MGLL: variants seen among roughly 807,000 people sequenced by gnomAD.
MGLL encodes the protein lysophospholipase homolog.
Under a neutral mutation model 29.1 loss-of-function variants are expected in MGLL, and 7 were observed. The observed-to-expected ratio is 0.24, with a 90% CI of 0.14 to 0.45. The LOEUF (loss-of-function observed/expected upper bound fraction) is 0.45. MGLL is among the 20% of genes least tolerant of loss of function. The pLI is 0.99. For missense variants in MGLL, 356 were observed against 413.6 expected (o/e 0.86, Z 1.21); for synonymous variants, 148 against 168.3 (o/e 0.88, Z 0.93).
rs762820508 is a variant in MGLL at position 127,761,333 on chromosome 3, A to C, written c.262+20456T>G. 6.6e-6 allele frequency among the ~76,000 whole-genome samples: 1 copy of C among 152,020 alleles called. No homozygotes were observed. Among genetic ancestry groups the C allele is most frequent in the Non-Finnish European group, 1.5e-5 (1 of 67,928 alleles). On this transcript the variant is annotated intron_variant, in intron 3 of 7. Coordinates refer to ENST00000265052, the MANE Select transcript of MGLL (RefSeq NM_007283.7). This position sits in a 1 kb window ranked among gnomAD's most constrained non-coding sequence, Gnocchi z 4.6. ...CTCCCCTGCTGCTGTGTCTTGTTAG[A>C]GCCACCGTGTTGTGTTGGGGGTGCT...
At chr3:127,701,215 C>CAAAAAAAAA (rs60128956) in intron 6 of MGLL, among the ~76,000 whole-genome samples, 8,038 of 55,382 alleles carry the variant, frequency 0.15, 1,228 homozygotes, top group Middle Eastern at 0.18. Context: ...ACCCTGCCTC[C>CAAAAAAAAA]AAAAAAAAAA....
chr3:127,794,075 C>T (rs1461883335), intron 2 of MGLL, among the ~76,000 whole-genome samples: 7 of 151,900 alleles, frequency 4.6e-5, no homozygotes, highest in Admixed American at 1.3e-4. Context: ...TCCAGGAGGC[C>T]GAGGTGGGCA....
chr3:127,814,477 C>T (rs553221900), intron 2 of MGLL, among the ~76,000 whole-genome samples: 63 of 152,292 alleles, frequency 4.1e-4, no homozygotes, highest in African/African-American at 1.4e-3. Flanking sequence ...CCATTTCCTC[C>T]GTGTATACAA....
At chr3:127,785,841 T>C (rs1231550706) in intron 2 of MGLL, among the ~76,000 whole-genome samples, 1 of 152,042 alleles carries the variant, frequency 6.6e-6, no homozygotes. Flanking sequence ...CGCCTGTGAG[T>C]GTGTACTGTG....
intron 3 of MGLL, among the ~76,000 whole-genome samples, chr3:127,732,759 C>T (rs1260506798): frequency 6.6e-6 from 1 of 152,200 alleles, no homozygotes; most frequent in African/African-American, 2.4e-5. Context: ...ACAATAGGAA[C>T]AGAAGGGCTG....
rs148456740 is a variant in MGLL, at chr3:127,810,931, G to A, written c.155+10763C>T. 3.9e-3 allele frequency among the ~76,000 whole-genome samples: 539 copies of A among 136,972 alleles called. 72 individuals carry two copies. Among genetic ancestry groups the A allele is most frequent in the African/African-American group, 0.018 (489 of 27,432 alleles). The allele number at this position is 136,972 out of a possible 152,430, so 89.9% of individuals were successfully genotyped here. A position where few individuals can be genotyped will look rare whatever the true frequency, so the allele number is the denominator to read the frequency against. ...ACCTGCCATACTGTAACTCCCACTCGTAGATGCATTTCACACAGAGTTTTA... is the reference window on the plus strand; with the variant it reads ...ACCTGCCATACTGTAACTCCCACTCATAGATGCATTTCACACAGAGTTTTA... On this transcript the variant is annotated intron_variant, in intron 2 of 7. Transcript: ENST00000265052.
At chr3:127,810,460 G>T (rs1470589397) in intron 2 of MGLL, among the ~76,000 whole-genome samples, 2 of 152,200 alleles carry the variant, frequency 1.3e-5, no homozygotes, top group Admixed American at 6.5e-5. Flanking sequence ...ATGCCTGTGA[G>T]AGTGTGATTC....
At chr3:127,786,587 C>G (rs750078010) in intron 2 of MGLL, among the ~76,000 whole-genome samples, 9 of 152,214 alleles carry the variant, frequency 5.9e-5, no homozygotes, top group Non-Finnish European at 1.2e-4. Flanking sequence ...ACACAGCCCT[C>G]GAGATGAACA....
intron 1 of MGLL, 47 bp downstream of exon 1, chr3:127,822,262 A>G (rs1478591157): frequency 6.3e-7 from 1 of 1,580,146 alleles, no homozygotes. Flanking sequence ...GGTGGATGAT[A>G]CTCAGATTAT....
Position 127,692,123 on chromosome 3 carries a change from C to CAAAA in MGLL, c.*74_*75insTTTT. 1 of 954,112 alleles carries CAAAA rather than the reference C, an allele frequency of 1.0e-6. No homozygotes were observed. Among genetic ancestry groups the CAAAA allele is most frequent in the Non-Finnish European group, 1.6e-6 (1 of 643,258 alleles). The allele number at this position is 954,112 out of a possible 1,614,324, so 59.1% of individuals were successfully genotyped here. On this transcript the variant is annotated 3_prime_UTR_variant, in exon 8 of 8. Transcript: ENST00000265052. Reference sequence around the variant, plus strand: ...TTTTTTTTTTTTTTTTTTGGCAAGCCATATCTGAGAAGCCATCTCTGCCCT... The same window carrying CAAAA: ...TTTTTTTTTTTTTTTTTTGGCAAGCCAAAAATATCTGAGAAGCCATCTCTGCCCT...
chr3:127,690,376 G>A lies in MGLL; in HGVS notation c.*1822C>T, dbSNP rs1329682176. On this transcript the variant is annotated 3_prime_UTR_variant, in exon 8 of 8. Coordinates refer to ENST00000265052, the MANE Select transcript of MGLL (RefSeq NM_007283.7). The stretch of plus-strand genomic sequence containing the variant: ...AACCAAGCCCCCACCTGCCCCTTGT[G>A]GGGTGAGGGCTTGGCTCCTCCCCCA... 1 of 152,248 alleles carries A rather than the reference G, an allele frequency of 6.6e-6. No homozygotes were observed. The highest frequency in any genetic ancestry group is 1.5e-5 in the Non-Finnish European group (1 of 68,058). The allele number at this position is 152,248 out of a possible 1,614,324, so 9.4% of individuals were successfully genotyped here.
intron 2 of MGLL, among the ~76,000 whole-genome samples, chr3:127,794,468 G>T (rs2077350788): frequency 6.6e-6 from 1 of 152,050 alleles, no homozygotes; most frequent in African/African-American, 2.4e-5. Flanking sequence ...TATGATGTAA[G>T]GCTGTCTTCT....
intron 5 of MGLL, among the ~76,000 whole-genome samples, chr3:127,718,542 G>A (rs2075859815): frequency 6.6e-6 from 1 of 152,166 alleles, no homozygotes; most frequent in South Asian, 2.1e-4. Context: ...GGTCCTGATG[G>A]GGAAGGAGCA....
At chr3:127,744,109 C>T (rs1356672644) in intron 3 of MGLL, among the ~76,000 whole-genome samples, 1 of 152,134 alleles carries the variant, frequency 6.6e-6, no homozygotes, top group East Asian at 1.9e-4. Context: ...TCTGGAAACA[C>T]ATTTCGACTC....
chr3:127,818,031 G>T (rs940627900), intron 2 of MGLL, among the ~76,000 whole-genome samples: 1 of 152,206 alleles, frequency 6.6e-6, no homozygotes, highest in Non-Finnish European at 1.5e-5. Context: ...TGCGATCTCC[G>T]CTCACTGCAA....
At chr3:127,768,414 C>T (rs1244962036) in intron 3 of MGLL, among the ~76,000 whole-genome samples, 1 of 152,202 alleles carries the variant, frequency 6.6e-6, no homozygotes, top group African/African-American at 2.4e-5. Context: ...ATAGCTGATG[C>T]CAAAGCCCGT....
At chr3:127,696,650 G>A (rs1476085800) in intron 6 of MGLL, among the ~76,000 whole-genome samples, 1 of 151,916 alleles carries the variant, frequency 6.6e-6, no homozygotes, top group Non-Finnish European at 1.5e-5. Context: ...CTGACCTCAG[G>A]TGATCCACCC....
chr3:127,810,740 C>T (rs2077647870), intron 2 of MGLL, among the ~76,000 whole-genome samples: 1 of 152,226 alleles, frequency 6.6e-6, no homozygotes, highest in Non-Finnish European at 1.5e-5. Context: ...AAAGGGGCCA[C>T]GTCTCCATGC....
intron 5 of MGLL, among the ~76,000 whole-genome samples, chr3:127,719,536 G>T (rs772223049): frequency 2.6e-5 from 4 of 152,212 alleles, no homozygotes; most frequent in Non-Finnish European, 4.4e-5. Flanking sequence ...TGCATGCCTG[G>T]CATTGGCTGA....
Sources: gnomAD v4.1 joint callset for allele counts (sites outside exome capture counted in the v4.1 genomes callset) on GRCh38, gnomAD v4.1.1 for gene constraint, Gnocchi (gnomAD v3.1) non-coding constraint, MANE v1.5 for transcripts, NCBI Gene and HGNC (gene_info 2026-07-23, HGNC 2026-07-21) for gene names.